TTC7B: variants seen among roughly 807,000 people sequenced by gnomAD.
TTC7B encodes tetratricopeptide repeat domain 7B, also known as tetratricopeptide repeat protein 7B.
TTC7B carries 28 observed loss-of-function variants against 106.8 expected under a neutral mutation model. The ratio of observed to expected loss-of-function variants is 0.26; its 90% CI spans 0.19 to 0.36. The LOEUF (loss-of-function observed/expected upper bound fraction) is 0.36. Ranked by LOEUF, TTC7B falls within the 10% of genes least tolerant of loss-of-function variation. The pLI is 1.00. For missense variants in TTC7B, 862 were observed against 1,076.4 expected (o/e 0.80, Z 2.79); for synonymous variants, 405 against 430.6 (o/e 0.94, Z 0.74).
chr14:90,701,906 GTGAGTCCTCA>G (rs947072182), intron 5 of TTC7B, among the ~76,000 whole-genome samples: 2 of 151,748 alleles, frequency 1.3e-5, no homozygotes, highest in African/African-American at 4.8e-5. Context: ...GTCAGCAGAC[GTGAGTCCTCA>G]TGAACTTGTA....
intron 9 of TTC7B, among the ~76,000 whole-genome samples, chr14:90,674,935 C>T (rs990487969): frequency 1.3e-5 from 2 of 152,172 alleles, no homozygotes; most frequent in Non-Finnish European, 2.9e-5. Flanking sequence ...GTGACCACCA[C>T]GAGGTGGGAG....
In TTC7B at chr14:90,765,508, A is replaced by G. The variant is rs140164608; in HGVS notation, c.445+15230T>C. ...AAATCTGTTATTTAAAAAGCTATAA[A>G]CAGAATTCCGGGAAGATGGTGGACT... On this transcript the variant is annotated intron_variant, in intron 3 of 19. Transcript: ENST00000328459. 1.4e-3 allele frequency among the ~76,000 whole-genome samples: 216 copies of G among 152,278 alleles called. 1 individual carries two copies. The highest frequency in any genetic ancestry group is 4.8e-3 in the African/African-American group (198 of 41,542).
intron 6 of TTC7B, among the ~76,000 whole-genome samples, chr14:90,693,717 G>C (rs139867932): frequency 2.6e-5 from 4 of 152,208 alleles, no homozygotes; most frequent in Non-Finnish European, 5.9e-5. Context: ...AACAACTGTT[G>C]TTGAGGGTGT....
chr14:90,802,152 G>A lies in TTC7B; in HGVS notation c.121+14023C>T, dbSNP rs529819487. On this transcript the variant is annotated intron_variant, in intron 1 of 19. Transcript: ENST00000328459. This position sits in a 1 kb window ranked among gnomAD's most constrained non-coding sequence, Gnocchi z 4.7. ...CTAGCCATTAGACCTGGCAGCACAC[G>A]GGCCACATCAGAGGGCAGCCTCGAC... is the stretch of plus-strand genomic sequence containing the variant. 3.9e-5 allele frequency among the ~76,000 whole-genome samples: 6 copies of A among 152,226 alleles called. No homozygotes were observed. Among genetic ancestry groups the A allele is most frequent in the South Asian group, 2.1e-4 (1 of 4,814 alleles).
intron 1 of TTC7B, among the ~76,000 whole-genome samples, chr14:90,792,020 G>A (rs766804638): frequency 3.3e-5 from 5 of 152,124 alleles, no homozygotes; most frequent in Non-Finnish European, 7.4e-5. Context: ...CAAGTTTACC[G>A]GTCTCCAAAC....
In TTC7B at chr14:90,689,593, T is replaced by G; in HGVS notation, c.897A>C (p.Ala299=). 1 of 1,614,172 alleles carries G rather than the reference T, an allele frequency of 6.2e-7. No homozygotes were observed. The highest frequency in any genetic ancestry group is 8.5e-7 in the Non-Finnish European group (1 of 1,180,006). The change falls in exon 7 of 20, where the codon GCA becomes GCC. Residue 299 remains alanine (A), a synonymous_variant. Transcript: ENST00000328459. ...SPLDDPLRKG[A]NTKTYTLTRR... ...GAGTGAGAGTGTAGGTTTTTGTGTT[T>G]GCTCCTTTGCGGAGAGGATCGTCCA...
At chr14:90,794,929 T>C (rs1306578820) in intron 1 of TTC7B, among the ~76,000 whole-genome samples, 3 of 152,040 alleles carry the variant, frequency 2.0e-5, no homozygotes, top group Non-Finnish European at 4.4e-5. Context: ...CAACACTCCA[T>C]GAGCACTGCC....
chr14:90,625,195 G>C (rs1884386148), intron 15 of TTC7B, among the ~76,000 whole-genome samples: 2 of 152,220 alleles, frequency 1.3e-5, no homozygotes, highest in African/African-American at 4.8e-5. Flanking sequence ...AATGGTAAGA[G>C]AAGTCAAAAG....
chr14:90,786,888 G>C (rs577912930), intron 1 of TTC7B, among the ~76,000 whole-genome samples: 4 of 152,038 alleles, frequency 2.6e-5, no homozygotes, highest in Non-Finnish European at 5.9e-5. Context: ...GCTGCCGGTA[G>C]ATACACATTA....
chr14:90,549,127 CAA>C (rs34890535), intron 19 of TTC7B, among the ~76,000 whole-genome samples: 37 of 103,586 alleles, frequency 3.6e-4, no homozygotes, highest in Admixed American at 4.2e-4. Context: ...GACTCCGTCT[CAA>C]AAAAAAAAAA....
intron 1 of TTC7B, among the ~76,000 whole-genome samples, chr14:90,787,081 A>C (rs1891418744): frequency 6.6e-6 from 1 of 152,240 alleles, no homozygotes; most frequent in Non-Finnish European, 1.5e-5. Context: ...GCCAGATCTT[A>C]AGATGAGTCT....
chr14:90,542,943 C>G (rs1163347736), intron 19 of TTC7B, among the ~76,000 whole-genome samples: 1 of 152,236 alleles, frequency 6.6e-6, no homozygotes, highest in African/African-American at 2.4e-5. Flanking sequence ...AAGGTTGCCT[C>G]ACTTTTTCAG....
chr14:90,567,949 G>C (rs1015378494), intron 19 of TTC7B, among the ~76,000 whole-genome samples: 1 of 152,180 alleles, frequency 6.6e-6, no homozygotes, highest in African/African-American at 2.4e-5. Flanking sequence ...ATTTAAACTC[G>C]GTCTGAAGGT....
At chr14:90,639,041 A>G (rs2059899722) in intron 15 of TTC7B, among the ~76,000 whole-genome samples, 1 of 152,176 alleles carries the variant, frequency 6.6e-6, no homozygotes, top group East Asian at 1.9e-4. Flanking sequence ...TACACACATA[A>G]AACAGTCCAT....
At chr14:90,740,283 T>C (rs905435834) in intron 4 of TTC7B, among the ~76,000 whole-genome samples, 25 of 152,182 alleles carry the variant, frequency 1.6e-4, no homozygotes, top group African/African-American at 6.0e-4. Flanking sequence ...GCCACTTCTC[T>C]AGCCCCAGAA....
At chr14:90,692,516 CTTTCT>C (rs1887515364) in intron 6 of TTC7B, among the ~76,000 whole-genome samples, 11 of 152,176 alleles carry the variant, frequency 7.2e-5, no homozygotes, top group Non-Finnish European at 1.6e-4. Context: ...GATGGAGAAA[CTTTCT>C]AACGTCCAAT....
At chr14:90,783,462 A>C (rs927596640) in intron 2 of TTC7B, among the ~76,000 whole-genome samples, 2 of 152,228 alleles carry the variant, frequency 1.3e-5, no homozygotes, top group African/African-American at 4.8e-5. Flanking sequence ...CATAGCAAGA[A>C]ATGATGTGTA....
At chr14:90,794,093 G>A (rs1029709927) in intron 1 of TTC7B, among the ~76,000 whole-genome samples, 16 of 151,854 alleles carry the variant, frequency 1.1e-4, no homozygotes, top group African/African-American at 3.9e-4. Flanking sequence ...AGTAGAGACA[G>A]GGTTTCACCA....
At chr14:90,752,295 A>G (rs143397980) in intron 3 of TTC7B, among the ~76,000 whole-genome samples, 1,596 of 152,238 alleles carry the variant, frequency 0.01, 25 homozygotes, top group African/African-American at 0.037. Context: ...AGGTGGGAGC[A>G]TTGCTTGAGC....
Sources: allele counts gnomAD v4.1 joint callset (sites outside exome capture counted in the v4.1 genomes callset), GRCh38; gene constraint gnomAD v4.1.1; non-coding constraint Gnocchi (gnomAD v3.1); transcripts MANE v1.5; gene names NCBI Gene and HGNC (gene_info 2026-07-23, HGNC 2026-07-21).